Variants in CDYL observed in about 807,000 individuals in gnomAD.
CDYL encodes the protein chromodomain Y like, also known as chromodomain Y-like protein.
In CDYL, 8 loss-of-function variants were observed where a neutral mutation model predicts 47.3. The ratio of observed to expected loss-of-function variants is 0.17; its 90% CI spans 0.10 to 0.31. CDYL has a LOEUF of 0.31. CDYL is among the 10% of genes least tolerant of loss of function. The pLI, the probability that CDYL is intolerant of heterozygous loss-of-function variation, is 1.00. For missense variants in CDYL, 471 were observed against 701.4 expected (o/e 0.67, Z 3.71); for synonymous variants, 266 against 265.0 (o/e 1.00, Z -0.04).
At chr6:4,855,424 G>A (rs933241060) in intron 1 of CDYL, among the ~76,000 whole-genome samples, 7 of 152,058 alleles carry the variant, frequency 4.6e-5, no homozygotes, top group East Asian at 1.9e-4. Context: ...TGGAGTAGCC[G>A]GGATTACAGG....
chr6:4,862,214 G>A (rs1219839749), intron 1 of CDYL, among the ~76,000 whole-genome samples: 1 of 152,144 alleles, frequency 6.6e-6, no homozygotes, highest in African/African-American at 2.4e-5. Flanking sequence ...AATCGCCCCT[G>A]ATCCCCTGGC....
intron 2 of CDYL, among the ~76,000 whole-genome samples, chr6:4,723,280 T>C (rs1247422971): frequency 2.0e-5 from 3 of 152,124 alleles, no homozygotes; most frequent in African/African-American, 7.2e-5. Context: ...ACTATGCCAT[T>C]ATATCAGGGA....
intron 2 of CDYL, among the ~76,000 whole-genome samples, chr6:4,922,694 C>T (rs1388730758): frequency 1.3e-5 from 2 of 152,242 alleles, no homozygotes; most frequent in Non-Finnish European, 2.9e-5. Flanking sequence ...CTTGAACAGT[C>T]CTTCCTCTGA....
intron 2 of CDYL, among the ~76,000 whole-genome samples, chr6:4,907,411 C>A (rs1017686627): frequency 4.6e-5 from 7 of 152,202 alleles, no homozygotes; most frequent in Non-Finnish European, 8.8e-5. Flanking sequence ...GGCTGGAGTA[C>A]AGTGGCTGGT....
chr6:4,713,586 A>T (rs373202132), intron 1 of CDYL, among the ~76,000 whole-genome samples: 1 of 67,914 alleles, frequency 1.5e-5, no homozygotes. Flanking sequence ...TATCATTTAG[A>T]TTCTTTTTTT....
chr6:4,941,171 A>C (rs947155), intron 4 of CDYL, among the ~76,000 whole-genome samples: 1 of 152,182 alleles, frequency 6.6e-6, no homozygotes, highest in African/African-American at 2.4e-5. Flanking sequence ...ACTTCAGTAC[A>C]TTGCATGGCA....
chr6:4,886,733 T>C (rs1217557390), intron 1 of CDYL, among the ~76,000 whole-genome samples: 2 of 152,246 alleles, frequency 1.3e-5, no homozygotes, highest in African/African-American at 4.8e-5. Flanking sequence ...TCCACTTTTT[T>C]TCTTTCGTTG....
At chr6:4,711,309 G>A (rs998988982) in intron 1 of CDYL, among the ~76,000 whole-genome samples, 13 of 152,286 alleles carry the variant, frequency 8.5e-5, no homozygotes, top group African/African-American at 3.1e-4. Flanking sequence ...AAGTTTCAGT[G>A]ACTTACGGGA....
At position 4,892,107 on chromosome 6, in the gene CDYL, T is replaced by C. The variant is rs769971723; in HGVS notation, c.419T>C (p.Ile140Thr). 1 of 1,614,174 alleles carries C rather than the reference T, an allele frequency of 6.2e-7. No individual in the cohort carries two copies. The highest frequency in any genetic ancestry group is 8.5e-7 in the Non-Finnish European group (1 of 1,180,040). The change falls in exon 2 of 7, where the codon ATC (isoleucine) becomes ACC (threonine). Residue 140 changes from isoleucine (I) to threonine (T), a missense_variant. Physicochemically the swap from Ile to Thr is moderately conservative, Grantham distance 89. Transcript: ENST00000397588. ...AACATGGACCTAGCGAAGTCAGGTA[T>C]CAAGATCCTCGTGCCTAAAAGCCCC... is the stretch of plus-strand genomic sequence containing the variant. ...RKNMDLAKSG[I>T]KILVPKSPVK...
intron 1 of CDYL, among the ~76,000 whole-genome samples, chr6:4,852,437 TTCCTTCCTTCCA>T (rs1247513012): frequency 4.6e-5 from 6 of 131,680 alleles, no homozygotes; most frequent in South Asian, 2.8e-4. Context: ...TCCTCCTTCC[TTCCTTCCTTCCA>T]ATCTTCCTTC....
At chr6:4,706,974 T>C (rs1207253196) in intron 1 of CDYL, among the ~76,000 whole-genome samples, 1 of 152,074 alleles carries the variant, frequency 6.6e-6, no homozygotes, top group South Asian at 2.1e-4. Flanking sequence ...AGAGCCTAAC[T>C]TGGTTACAGT....
chr6:4,784,017 T>C (rs1344267433), intron 1 of CDYL, among the ~76,000 whole-genome samples: 1 of 152,222 alleles, frequency 6.6e-6, no homozygotes, highest in Non-Finnish European at 1.5e-5. Context: ...TTTTACCTTT[T>C]CATTTCCATC....
At chr6:4,914,862 A>G (rs945694000) in intron 2 of CDYL, among the ~76,000 whole-genome samples, 8 of 152,234 alleles carry the variant, frequency 5.3e-5, no homozygotes, top group African/African-American at 1.4e-4. Flanking sequence ...TTGTGGGAAC[A>G]GGGTGAAGAG....
intron 3 of CDYL, among the ~76,000 whole-genome samples, chr6:4,937,154 C>T (rs1243755741): frequency 2.6e-5 from 4 of 152,060 alleles, no homozygotes; most frequent in African/African-American, 7.2e-5. Context: ...CCCAGGAGTT[C>T]AAGACCATCC....
chr6:4,821,550 A>G (rs1197417604), intron 1 of CDYL, among the ~76,000 whole-genome samples: 1 of 152,000 alleles, frequency 6.6e-6, no homozygotes, highest in Non-Finnish European at 1.5e-5. Flanking sequence ...CCTGGCCAAC[A>G]TGGTGAAACC....
At chr6:4,920,425 T>C (rs772676034) in intron 2 of CDYL, among the ~76,000 whole-genome samples, 1 of 152,166 alleles carries the variant, frequency 6.6e-6, no homozygotes, top group Non-Finnish European at 1.5e-5. Flanking sequence ...ACCACTGGAC[T>C]ATAATTATTT....
chr6:4,837,113 T>C (rs2127456956), intron 1 of CDYL, among the ~76,000 whole-genome samples: 1 of 152,344 alleles, frequency 6.6e-6, no homozygotes, highest in Non-Finnish European at 1.5e-5. Context: ...AGGTCAATCA[T>C]TGTTAAAGGC....
chr6:4,834,584 G>T (rs1172874554), intron 1 of CDYL, among the ~76,000 whole-genome samples: 1 of 150,188 alleles, frequency 6.7e-6, no homozygotes, highest in Admixed American at 6.7e-5. Context: ...GTATCTTTGT[G>T]GCGTTCTCTG....
At chr6:4,722,847 A>C (rs1269546720) in intron 2 of CDYL, among the ~76,000 whole-genome samples, 1 of 152,232 alleles carries the variant, frequency 6.6e-6, no homozygotes, top group Admixed American at 6.5e-5. Flanking sequence ...ACCGTACTCC[A>C]GCCTGGGTGA....
Sources: allele counts gnomAD v4.1 joint callset (sites outside exome capture counted in the v4.1 genomes callset), GRCh38; gene constraint gnomAD v4.1.1; transcripts MANE v1.5; gene names NCBI Gene and HGNC (gene_info 2026-07-23, HGNC 2026-07-21).